The following XKR9 variants were observed in gnomAD, a reference collection of about 807,000 sequenced individuals.
XKR9 encodes the protein XK related 9.
In XKR9, 32 loss-of-function variants were observed where a neutral mutation model predicts 32.0. The observed-to-expected ratio is 1.00, with a 90% CI of 0.76 to 1.34. The LOEUF is 1.34. Among genes scored for constraint, XKR9 ranks in the 40% most tolerant of loss-of-function variants. The pLI, the probability that XKR9 is intolerant of heterozygous loss-of-function variation, is 0.00. For synonymous variants in XKR9, 168 were observed against 143.4 expected (o/e 1.17, Z -1.22); for missense variants, 546 against 429.7 (o/e 1.27, Z -2.39).
At chr8:70,977,138 A>G in the XKR9 span, among the ~76,000 whole-genome samples, 1 of 151,926 alleles carries the variant, frequency 6.6e-6, no homozygotes, top group Non-Finnish European at 1.5e-5. Flanking sequence ...CTAGCAGTCT[A>G]TCAATTTTGT....
chr8:71,014,357 C>T, the XKR9 span, among the ~76,000 whole-genome samples: 1 of 152,132 alleles, frequency 6.6e-6, no homozygotes, highest in Non-Finnish European at 1.5e-5. Flanking sequence ...TTCTGGAGGC[C>T]AGAAGTCTGA....
intron 3 of XKR9, among the ~76,000 whole-genome samples, chr8:70,686,511 T>C (rs930077912): frequency 7.2e-5 from 11 of 151,860 alleles, no homozygotes; most frequent in Non-Finnish European, 1.6e-4. Context: ...TGGCCCGATA[T>C]TGGCTCACTG....
At chr8:70,807,313 C>T in the XKR9 span, among the ~76,000 whole-genome samples, 1 of 152,042 alleles carries the variant, frequency 6.6e-6, no homozygotes, top group Non-Finnish European at 1.5e-5. Context: ...CAAAAACACA[C>T]CAAAATATAA....
At chr8:70,729,258 C>T (rs1006087246) in intron 4 of XKR9, among the ~76,000 whole-genome samples, 1 of 152,056 alleles carries the variant, frequency 6.6e-6, no homozygotes, top group African/African-American at 2.4e-5. Context: ...GGTAGAGAGA[C>T]AAATATGCTC....
At chr8:70,836,265 T>C in the XKR9 span, among the ~76,000 whole-genome samples, 3 of 152,082 alleles carry the variant, frequency 2.0e-5, no homozygotes, top group Non-Finnish European at 4.4e-5. Context: ...CTTGCTGAGT[T>C]TTGACAAATG....
chr8:70,875,253 G>T, the XKR9 span, among the ~76,000 whole-genome samples: 2 of 152,154 alleles, frequency 1.3e-5, no homozygotes, highest in Non-Finnish European at 2.9e-5. Flanking sequence ...TTTATAACCA[G>T]AGATTTTCAG....
the XKR9 span, among the ~76,000 whole-genome samples, chr8:71,040,578 T>C: frequency 1.6e-3 from 239 of 152,292 alleles, 1 homozygote; most frequent in African/African-American, 5.4e-3. Flanking sequence ...CCTTTTTGGT[T>C]GAATCCCACT....
the XKR9 span, among the ~76,000 whole-genome samples, chr8:70,831,586 T>G: frequency 1.3e-5 from 2 of 152,296 alleles, no homozygotes; most frequent in African/African-American, 4.8e-5. Flanking sequence ...TTTGCATTTT[T>G]ACTTCATGAT....
At chr8:70,857,652 GAC>G in the XKR9 span, among the ~76,000 whole-genome samples, 1 of 152,026 alleles carries the variant, frequency 6.6e-6, no homozygotes, top group African/African-American at 2.4e-5. Flanking sequence ...GCCTGGCCGA[GAC>G]ACAACAAAAA....
intron 2 of XKR9, among the ~76,000 whole-genome samples, chr8:70,745,131 A>T (rs1245360610): frequency 1.5e-5 from 2 of 135,866 alleles, no homozygotes; most frequent in African/African-American, 5.3e-5. Context: ...ATTCCATCCA[A>T]CAAACATTTT....
the XKR9 span, among the ~76,000 whole-genome samples, chr8:71,046,763 G>A: frequency 1.3e-5 from 2 of 152,342 alleles, no homozygotes; most frequent in South Asian, 2.1e-4. Context: ...CTAAATGGAA[G>A]AATGCACCAA....
chr8:70,757,308 CT>C (rs1196232965), intron 2 of XKR9, among the ~76,000 whole-genome samples: 1 of 151,706 alleles, frequency 6.6e-6, no homozygotes, highest in African/African-American at 2.4e-5. Flanking sequence ...TCCTCATCAT[CT>C]TTTTTTTCTC....
downstream of XKR9, among the ~76,000 whole-genome samples, chr8:70,736,481 A>ATG (rs1563461129): frequency 1.3e-5 from 2 of 152,018 alleles, no homozygotes; most frequent in African/African-American, 4.8e-5. Context: ...ATTAGATCCC[A>ATG]TTTGTCAATT....
the XKR9 span, among the ~76,000 whole-genome samples, chr8:70,826,737 T>G: frequency 6.6e-6 from 1 of 152,274 alleles, no homozygotes; most frequent in South Asian, 2.1e-4. Context: ...TGTGTAGAAA[T>G]GGAGCTTAGC....
the XKR9 span, among the ~76,000 whole-genome samples, chr8:70,979,558 C>T: frequency 1.3e-5 from 2 of 152,206 alleles, no homozygotes; most frequent in African/African-American, 4.8e-5. Flanking sequence ...TCCTGGGTAT[C>T]TCCAGCGGAG....
At chr8:70,998,064 G>A in the XKR9 span, among the ~76,000 whole-genome samples, 3 of 152,038 alleles carry the variant, frequency 2.0e-5, no homozygotes, top group African/African-American at 7.3e-5. Flanking sequence ...AAAATTGTTA[G>A]ATTAAACAAA....
chr8:70,929,058 A>C, the XKR9 span, among the ~76,000 whole-genome samples: 1 of 152,278 alleles, frequency 6.6e-6, no homozygotes. Context: ...GTAAAAATGC[A>C]AATTTCCCTT....
chr8:71,028,489 G>A, the XKR9 span, among the ~76,000 whole-genome samples: 1 of 152,278 alleles, frequency 6.6e-6, no homozygotes, highest in Non-Finnish European at 1.5e-5. Flanking sequence ...GGGATGGGGA[G>A]AGAAAGGGAA....
chr8:70,810,258 C>T, the XKR9 span, among the ~76,000 whole-genome samples: 1 of 152,152 alleles, frequency 6.6e-6, no homozygotes, highest in Non-Finnish European at 1.5e-5. Context: ...TTTGTCACCA[C>T]CAGGCCTGCC....
Sources: gnomAD v4.1 joint callset for allele counts (sites outside exome capture counted in the v4.1 genomes callset) on GRCh38, gnomAD v4.1.1 for gene constraint, MANE v1.5 for transcripts, NCBI Gene and HGNC (gene_info 2026-07-23, HGNC 2026-07-21) for gene names.